NDUFA10: variants seen among roughly 807,000 people sequenced by gnomAD.
The protein encoded by NDUFA10 is NADH dehydrogenase [ubiquinone] 1 alpha subcomplex subunit 10, mitochondrial.
In NDUFA10, 40 loss-of-function variants were observed where a neutral mutation model predicts 47.8. The ratio of observed to expected loss-of-function variants is 0.84; its 90% confidence interval spans 0.65 to 1.09. NDUFA10 has a LOEUF of 1.09. Among genes scored for constraint, NDUFA10 ranks in the 50% least tolerant of loss-of-function variants. NDUFA10 has a pLI of 0.00. For missense variants in NDUFA10, 413 were observed against 451.1 expected (o/e 0.92, Z 0.76); for synonymous variants, 183 against 172.2 (o/e 1.06, Z -0.49).
chr2:239,894,214 CA>C (rs1363384374), intron 5 of NDUFA10, among the ~76,000 whole-genome samples: 1 of 144,990 alleles, frequency 6.9e-6, no homozygotes, highest in Non-Finnish European at 1.5e-5. Context: ...TCCTCAGCTC[CA>C]TCCCAGCCTC....
intron 4 of NDUFA10, among the ~76,000 whole-genome samples, chr2:239,932,450 C>A (rs113008881): frequency 1.3e-5 from 2 of 152,246 alleles, no homozygotes; most frequent in African/African-American, 4.8e-5. Context: ...TGACACGGCA[C>A]CCCCGCAAGC....
In NDUFA10 at chr2:239,906,240, A is replaced by G. The variant is rs1277118200; in HGVS notation, c.295-10926T>C. Among the ~76,000 whole-genome samples, 1 of 152,206 alleles carries G rather than the reference A, an allele frequency of 6.6e-6. No individual in the cohort carries two copies. The highest frequency in any genetic ancestry group is 1.5e-5 in the Non-Finnish European group (1 of 68,034). On this transcript the variant is annotated intron_variant, in intron 4 of 5. Transcript: ENST00000419408. The surrounding 1 kb of genome is among the most constrained non-coding windows in gnomAD (Gnocchi z 4.3). The stretch of plus-strand genomic sequence containing the variant: ...AAATATTACCCGGAAGGAAGTCAGT[A>G]TATAATTAAAAGTCATTTAATCATC...
At chr2:239,950,117 C>A (rs1001958729) in intron 4 of NDUFA10, among the ~76,000 whole-genome samples, 8 of 152,182 alleles carry the variant, frequency 5.3e-5, no homozygotes, top group African/African-American at 1.9e-4. Context: ...TCAGAGTGGG[C>A]TCACGAAGTG....
At chr2:239,938,540 G>C (rs191124164) in intron 4 of NDUFA10, among the ~76,000 whole-genome samples, 1 of 152,240 alleles carries the variant, frequency 6.6e-6, no homozygotes, top group Non-Finnish European at 1.5e-5. Context: ...GGATGCCCTG[G>C]GAGGCGGCTA....
intron 4 of NDUFA10, among the ~76,000 whole-genome samples, chr2:239,941,516 G>A (rs12620121): frequency 0.12 from 18,014 of 152,026 alleles, 1,278 homozygotes; most frequent in East Asian, 0.25. Context: ...ACCTGAGGTC[G>A]GGAGTTGGAG....
intron 9 of NDUFA10, among the ~76,000 whole-genome samples, chr2:239,963,877 G>A (rs1412976120): frequency 1.3e-5 from 2 of 152,204 alleles, no homozygotes; most frequent in Non-Finnish European, 2.9e-5. Flanking sequence ...CACCGGAGGA[G>A]CTGGGTGTGA....
chr2:239,936,660 AG>A (rs1370977322), intron 4 of NDUFA10, among the ~76,000 whole-genome samples: 1 of 152,218 alleles, frequency 6.6e-6, no homozygotes, highest in Non-Finnish European at 1.5e-5. Context: ...CTTTTAAAAA[AG>A]TAAGTCTTGG....
downstream of NDUFA10, among the ~76,000 whole-genome samples, chr2:239,953,685 G>A (rs760943838): frequency 3.4e-5 from 5 of 149,226 alleles, no homozygotes; most frequent in African/African-American, 1.0e-4. Flanking sequence ...GTGGGAAAAC[G>A]CAACAGGCAC....
At chr2:240,022,095 T>G (rs930230501) in intron 2 of NDUFA10, 77 bp downstream of exon 2, 4 of 1,293,980 alleles carry the variant, frequency 3.1e-6, no homozygotes, top group Non-Finnish European at 4.2e-6. Flanking sequence ...TTAATATTAA[T>G]ATTGAAGAAA....
At chr2:239,956,983 A>G (rs2106387938), downstream of NDUFA10, among the ~76,000 whole-genome samples, 1 of 151,162 alleles carries the variant, frequency 6.6e-6, no homozygotes, top group South Asian at 2.1e-4. Context: ...TGGCCGCCTC[A>G]CTCCTTCCCT....
Position 239,945,273 on chromosome 2 carries a change from C to G in NDUFA10, c.294+44801G>C, listed in dbSNP as rs1266227809. On this transcript the variant is annotated intron_variant, in intron 4 of 5. Coordinates refer to the NDUFA10 transcript ENST00000419408. This position sits in a 1 kb window ranked among gnomAD's most constrained non-coding sequence, Gnocchi z 4.6. The stretch of plus-strand genomic sequence containing the variant: ...TCCTTCATTTGCACAACCGCAGCGG[C>G]AGCGCCATCATTCCTCCTGCTTTGC... Among the ~76,000 whole-genome samples the G allele has an allele frequency of 6.6e-6, 1 of 152,236 alleles. No homozygotes were observed. Among genetic ancestry groups the G allele is most frequent in the African/African-American group, 2.4e-5 (1 of 41,464 alleles).
rs1302764042 is a variant in NDUFA10 at position 239,957,833 on chromosome 2, G to A, written c.*3285C>T. Reference sequence around the variant, plus strand: ...ACTCACAGAGCCTGGCATTCCGATGGGGAAGGACAGAAAGGCTGGGACCCT... The same window carrying A: ...ACTCACAGAGCCTGGCATTCCGATGAGGAAGGACAGAAAGGCTGGGACCCT... On this transcript the variant is annotated 3_prime_UTR_variant, in exon 10 of 10. Coordinates refer to ENST00000252711, the MANE Select transcript of NDUFA10 (RefSeq NM_004544.4). 6.6e-6 allele frequency: 1 copy of A among 152,214 alleles called. No homozygotes were observed. Among genetic ancestry groups the A allele is most frequent in the Non-Finnish European group, 1.5e-5 (1 of 68,042 alleles). The allele number at this position is 152,214 out of a possible 1,614,324, so 9.4% of individuals were successfully genotyped here.
intron 3 of NDUFA10, among the ~76,000 whole-genome samples, chr2:240,020,096 C>G (rs547659543): frequency 2.6e-5 from 4 of 152,186 alleles, no homozygotes; most frequent in Non-Finnish European, 5.9e-5. Flanking sequence ...GTGTCATGGA[C>G]ACACACTGCA....
chr2:239,947,707 G>C (rs1694478310), intron 4 of NDUFA10, among the ~76,000 whole-genome samples: 1 of 152,222 alleles, frequency 6.6e-6, no homozygotes, highest in Admixed American at 6.5e-5. Flanking sequence ...TCCATCCACT[G>C]AAGGCCTCAA....
At chr2:239,978,119 GC>G (rs1338809731) in intron 9 of NDUFA10, among the ~76,000 whole-genome samples, 1 of 152,052 alleles carries the variant, frequency 6.6e-6, no homozygotes, top group Non-Finnish European at 1.5e-5. Flanking sequence ...GAGCCAAGAG[GC>G]CCCCCTGCCT....
chr2:239,922,096 TCC>T (rs1693999649), intron 4 of NDUFA10, among the ~76,000 whole-genome samples: 5 of 55,834 alleles, frequency 9.0e-5, no homozygotes, highest in African/African-American at 6.5e-4. Context: ...TTTCCTTCCT[TCC>T]TCCCTTCCTC....
Position 240,020,072 on chromosome 2 carries a change from A to G in NDUFA10, c.460+1125T>C, listed in dbSNP as rs998588874. On this transcript the variant is annotated intron_variant, in intron 3 of 9. Transcript: ENST00000252711. Reference sequence around the variant, plus strand: ...CAAGACAATAACTCCACCACCGTACAACTGTGTAGATACGTGTCATGGACA... The same window carrying G: ...CAAGACAATAACTCCACCACCGTACGACTGTGTAGATACGTGTCATGGACA... Among the ~76,000 whole-genome samples, 5 of 152,368 alleles carry G rather than the reference A, an allele frequency of 3.3e-5. No homozygotes were observed. The South Asian group carries it at 8.3e-4, about 25-fold the overall frequency.
rs185704271 is a variant in NDUFA10 at position 239,936,928 on chromosome 2, C to T, written c.295-41614G>A. Among the ~76,000 whole-genome samples, 31 of 152,224 alleles carry T rather than the reference C, an allele frequency of 2.0e-4. No individual in the cohort carries two copies. The East Asian group carries it at 2.5e-3, about 12-fold the overall frequency. ...TGAGCCACAGTCGCGCCACTGGACT[C>T]CAGCCTGGGTGACAGAGAGAGACCC... On this transcript the variant is annotated intron_variant, in intron 4 of 5. Transcript: ENST00000419408.
intron 9 of NDUFA10, chr2:239,973,373 T>G: frequency 5.3e-6 from 2 of 379,826 alleles, no homozygotes; most frequent in South Asian, 4.2e-5. Flanking sequence ...TAAGGTGAAT[T>G]TCATAAAGGC....
Sources: allele counts gnomAD v4.1 joint callset (sites outside exome capture counted in the v4.1 genomes callset), GRCh38; gene constraint gnomAD v4.1.1; non-coding constraint Gnocchi (gnomAD v3.1); transcripts MANE v1.5; gene names NCBI Gene and HGNC (gene_info 2026-07-23, HGNC 2026-07-21).